USP31: variants seen among roughly 807,000 people sequenced by gnomAD.
USP31 encodes the protein ubiquitin carboxyl-terminal hydrolase 31.
A neutral mutation model predicts 119.4 loss-of-function variants in USP31; 44 were observed. The ratio of observed to expected loss-of-function variants is 0.37; its 90% CI spans 0.29 to 0.47. USP31 has a LOEUF of 0.47. Among genes scored for constraint, USP31 ranks in the 20% least tolerant of loss-of-function variants. The pLI is 0.99. For missense variants in USP31, 1,643 were observed against 1,730.2 expected (o/e 0.95, Z 0.89); for synonymous variants, 749 against 705.6 (o/e 1.06, Z -0.97).
At chr16:23,076,356 A>C (rs147885221) in intron 13 of USP31, among the ~76,000 whole-genome samples, 96 of 152,304 alleles carry the variant, frequency 6.3e-4, no homozygotes, top group African/African-American at 2.2e-3. Context: ...AAGAATATTT[A>C]AAATGTTCTC....
intron 1 of USP31, among the ~76,000 whole-genome samples, chr16:23,124,013 GAA>G (rs748045134): frequency 6.6e-6 from 1 of 151,490 alleles, no homozygotes; most frequent in Non-Finnish European, 1.5e-5. Context: ...AAAAAAAGAA[GAA>G]AAGTACAGGA....
intron 1 of USP31, among the ~76,000 whole-genome samples, chr16:23,127,642 GT>G (rs397766138): frequency 0.2 from 25,431 of 127,998 alleles, 1,995 homozygotes; most frequent in Admixed American, 0.27. Context: ...AATTTTTGTA[GT>G]TTTTTTTTTT....
intron 6 of USP31, among the ~76,000 whole-genome samples, chr16:23,093,972 C>A (rs1901488008): frequency 6.6e-6 from 1 of 152,182 alleles, no homozygotes; most frequent in South Asian, 2.1e-4. Context: ...ACTGAGGTAC[C>A]TGGTTCATCT....
At chr16:23,094,430 C>CAAA (rs962159677) in intron 6 of USP31, among the ~76,000 whole-genome samples, 1 of 152,226 alleles carries the variant, frequency 6.6e-6, no homozygotes, top group African/African-American at 2.4e-5. Flanking sequence ...CATAGCTGAA[C>CAAA]AAAAGGCAGC....
intron 4 of USP31, among the ~76,000 whole-genome samples, 192 bp from the exon 5 acceptor site, chr16:23,105,768 G>A (rs755011481): frequency 2.0e-5 from 3 of 152,124 alleles, no homozygotes; most frequent in Non-Finnish European, 4.4e-5. Context: ...CTTTGGAAAA[G>A]GCAATCTTCA....
Position 23,090,789 on chromosome 16 carries a change from T to G in USP31, c.1250A>C (p.Asn417Thr), listed in dbSNP as rs552285551. Residue 417 changes from asparagine (N) to threonine (T), a missense_variant, in exon 7 of 16, where the codon AAC (asparagine) becomes ACC (threonine). Physicochemically the swap from Asn to Thr is moderately conservative, Grantham distance 65 (BLOSUM62 0). Around this residue, in one of 5 missense-constraint regions of USP31, gnomAD observed 219 missense variants for 226.4 expected, o/e 0.97. Coordinates refer to ENST00000219689, the MANE Select transcript of USP31 (RefSeq NM_020718.4). ...GCCAAATTTCAAGTGGTTTAGGTTG[T>G]TGTTTAAATGAATTCCTGAAACAGA... ...ILSQRGIHLN[N>T]NLNHLKFGLD... 6.3e-7 allele frequency: 1 copy of G among 1,578,876 alleles called. No homozygotes were observed. Among genetic ancestry groups the G allele is most frequent in the Non-Finnish European group, 8.7e-7 (1 of 1,154,350 alleles).
chr16:23,090,120 C>T (rs183447238), intron 7 of USP31, among the ~76,000 whole-genome samples: 3 of 152,330 alleles, frequency 2.0e-5, no homozygotes, highest in Admixed American at 6.5e-5. Context: ...TGCAGTGGCT[C>T]ACGCCTATAA....
Position 23,085,580 on chromosome 16 carries a change from C to T in USP31, c.1700+5G>A. On this transcript the variant is annotated splice_donor_5th_base_variant and intron_variant, in intron 10 of 15. Transcript: ENST00000219689. ...TCTATAAACACTAACTTTAAAAATA[C>T]TCACAAATCTCTTGTCTCCTTGTCC... The T allele has an allele frequency of 6.2e-7, 1 of 1,610,762 alleles. No homozygotes were observed. Among genetic ancestry groups the T allele is most frequent in the Non-Finnish European group, 8.5e-7 (1 of 1,178,168 alleles).
chr16:23,146,638 A>AT (rs1903515571), intron 1 of USP31, among the ~76,000 whole-genome samples: 1 of 152,114 alleles, frequency 6.6e-6, no homozygotes. Flanking sequence ...AACAGCAACG[A>AT]TTTTTTTCCA....
At chr16:23,116,199 G>C (rs1376313169) in intron 1 of USP31, among the ~76,000 whole-genome samples, 1 of 151,964 alleles carries the variant, frequency 6.6e-6, no homozygotes, top group Non-Finnish European at 1.5e-5. Context: ...CAGTGATCAT[G>C]GACAAAAACA....
chr16:23,105,385 A>G, intron 5 of USP31, 56 bp downstream of exon 5: 1 of 1,483,766 alleles, frequency 6.7e-7, no homozygotes, highest in African/African-American at 1.4e-5. Context: ...ATTCTAAGAG[A>G]ACAGAAAGCA....
At chr16:23,141,132 C>A (rs1436843922) in intron 1 of USP31, among the ~76,000 whole-genome samples, 1 of 152,198 alleles carries the variant, frequency 6.6e-6, no homozygotes, top group Non-Finnish European at 1.5e-5. Context: ...AAACCCCTTA[C>A]CTTGGTCTGT....
chr16:23,101,970 T>TAAAAAAAAAAAA (rs34773118), intron 6 of USP31, among the ~76,000 whole-genome samples: 1 of 85,530 alleles, frequency 1.2e-5, no homozygotes, highest in Non-Finnish European at 2.3e-5. Flanking sequence ...TAGCAAAATT[T>TAAAAAAAAAAAA]AAAAAAAAAA....
At position 23,087,802 on chromosome 16, in the gene USP31, C is replaced by A; in HGVS notation, c.1449G>T (p.Lys483Asn). 2.5e-6 allele frequency: 4 copies of A among 1,613,952 alleles called. No homozygotes were observed. The highest frequency in any genetic ancestry group is 3.4e-6 in the Non-Finnish European group (4 of 1,180,014). The change falls in exon 8 of 16, where the codon AAG becomes AAT. Residue 483 changes from lysine to asparagine, a missense_variant. This residue lies in a region of USP31 where 219 missense variants were observed against 226.4 expected (regional missense o/e 0.97). Coordinates refer to ENST00000219689, the MANE Select transcript of USP31 (RefSeq NM_020718.4). The stretch of plus-strand genomic sequence containing the variant: ...TCTGCAGAAGGTCCCAAGCTATTGT[C>A]TTCTCTAAGTGCAGCACAAAAGGCA... ...FGLPFVLHLE[K>N]TIAWDLLQKE...
At chr16:23,121,867 A>G (rs765203183) in intron 1 of USP31, among the ~76,000 whole-genome samples, 11 of 152,216 alleles carry the variant, frequency 7.2e-5, no homozygotes, top group Non-Finnish European at 1.5e-4. Flanking sequence ...CTCGTTTTAT[A>G]TAGCCTCAAG....
At chr16:23,097,931 C>T (rs1199253511) in intron 6 of USP31, among the ~76,000 whole-genome samples, 2 of 152,192 alleles carry the variant, frequency 1.3e-5, no homozygotes, top group African/African-American at 2.4e-5. Context: ...GATGCCCTCT[C>T]TCACCACTCC....
chr16:23,122,834 G>C (rs2141888993), intron 1 of USP31, among the ~76,000 whole-genome samples: 1 of 152,172 alleles, frequency 6.6e-6, no homozygotes, highest in South Asian at 2.1e-4. Context: ...GGGGTTTTTG[G>C]GGGGGATAAT....
At chr16:23,093,535 G>A (rs1340121331) in intron 6 of USP31, among the ~76,000 whole-genome samples, 1 of 152,186 alleles carries the variant, frequency 6.6e-6, no homozygotes, top group Non-Finnish European at 1.5e-5. Context: ...AAAAATAAAT[G>A]TTGGCAAAGA....
In USP31 at chr16:23,068,740, G is replaced by A; in HGVS notation, c.3365C>T (p.Thr1122Ile). ...PQKQKSASAL[T>I]YTASSTSAKK... ...GGCAGATGTGGAGGAAGCAGTGTAG[G>A]TGAGGGCCGAGGCTGACTTCTGCTT... Residue 1122 changes from threonine to isoleucine, a missense_variant, in exon 16 of 16, where the codon ACC becomes ATC. Physicochemically the swap from Thr to Ile is moderately conservative, Grantham distance 89 (BLOSUM62 -1). Transcript: ENST00000219689. 6.2e-7 allele frequency: 1 copy of A among 1,602,146 alleles called. No homozygotes were observed. The highest frequency in any genetic ancestry group is 8.5e-7 in the Non-Finnish European group (1 of 1,175,004).
Sources: allele counts gnomAD v4.1 joint callset (sites outside exome capture counted in the v4.1 genomes callset), GRCh38; gene constraint gnomAD v4.1.1; regional missense constraint gnomAD v4.1.1; transcripts MANE v1.5; gene names NCBI Gene and HGNC (gene_info 2026-07-23, HGNC 2026-07-21).